The following PPM1L variants were observed in gnomAD, a reference collection of about 807,000 sequenced individuals.
The protein encoded by PPM1L is protein phosphatase, Mg2+/Mn2+ dependent 1L.
Under a neutral mutation model 31.4 loss-of-function variants are expected in PPM1L, and 13 were observed. The ratio of observed to expected loss-of-function variants is 0.41; its 90% CI spans 0.27 to 0.66. The LOEUF is 0.66. Among genes scored for constraint, PPM1L ranks in the 30% least tolerant of loss-of-function variants. The probability of loss-of-function intolerance (pLI) is 0.29; values close to 1 mark genes in which losing one functional copy is unlikely to be tolerated. For synonymous variants in PPM1L, 184 were observed against 175.4 expected (o/e 1.05, Z -0.39); for missense variants, 326 against 453.7 (o/e 0.72, Z 2.56).
At chr3:161,015,588 C>T (rs1559925549) in intron 2 of PPM1L, among the ~76,000 whole-genome samples, 1 of 152,208 alleles carries the variant, frequency 6.6e-6, no homozygotes, top group African/African-American at 2.4e-5. Context: ...TCCTGTGGCA[C>T]ACAGCCGAGA....
At chr3:160,814,509 GTA>G (rs1258812470) in intron 1 of PPM1L, among the ~76,000 whole-genome samples, 7,972 of 108,654 alleles carry the variant, frequency 0.073, 620 homozygotes, top group Non-Finnish European at 0.1. Context: ...ATATGTATGT[GTA>G]TATATATACA....
chr3:160,821,583 C>CA (rs1560116652), intron 1 of PPM1L, among the ~76,000 whole-genome samples: 6 of 151,976 alleles, frequency 3.9e-5, no homozygotes, highest in South Asian at 4.2e-4. Context: ...AATAAAACCA[C>CA]AAAAAATAAT....
intron 1 of PPM1L, among the ~76,000 whole-genome samples, chr3:160,906,253 C>T (rs1457195985): frequency 1.3e-5 from 2 of 152,094 alleles, no homozygotes; most frequent in Non-Finnish European, 2.9e-5. Flanking sequence ...TAACAACATA[C>T]CCTAAAAATT....
rs1718733252 is a variant in PPM1L, at chr3:161,036,075, T to TATC, written c.575-29327_575-29325dup. The TATC allele has an allele frequency of 2.0e-5, 3 of 152,240 alleles. No individual in the cohort carries two copies. In the South Asian group the frequency reaches 6.2e-4, roughly 31 times the overall value. The allele number at this position is 152,240 out of a possible 1,614,324, so 9.4% of individuals were successfully genotyped here. A position where few individuals can be genotyped will look rare whatever the true frequency, so the allele number is the denominator to read the frequency against. On this transcript the variant is annotated intron_variant, in intron 2 of 3. Transcript: ENST00000498165. ...GATCAGACTCTGCTTTGACATATTC[T>TATC]ATCTTAAATTTTGAAATTACTTTGG...
At chr3:160,814,219 A>G (rs537319763) in intron 1 of PPM1L, among the ~76,000 whole-genome samples, 1 of 152,126 alleles carries the variant, frequency 6.6e-6, no homozygotes, top group Non-Finnish European at 1.5e-5. Context: ...CTTCATGCCT[A>G]TCTGGACAGC....
At chr3:160,959,998 A>T (rs777590468) in intron 1 of PPM1L, among the ~76,000 whole-genome samples, 3 of 151,934 alleles carry the variant, frequency 2.0e-5, no homozygotes, top group Non-Finnish European at 2.9e-5. Flanking sequence ...ACTGTACCTG[A>T]TATTCTGTGA....
chr3:160,844,621 A>G (rs1233882130), intron 1 of PPM1L, among the ~76,000 whole-genome samples: 1 of 152,006 alleles, frequency 6.6e-6, no homozygotes, highest in Non-Finnish European at 1.5e-5. Context: ...AATCTTAATG[A>G]TTTACAACTT....
chr3:160,903,830 ATGTAT>A (rs66976894), intron 1 of PPM1L, among the ~76,000 whole-genome samples: 39,854 of 151,764 alleles, frequency 0.26, 5,461 homozygotes, highest in East Asian at 0.5. Context: ...GGAAATGATA[ATGTAT>A]TAGGAATTAT....
intron 1 of PPM1L, among the ~76,000 whole-genome samples, chr3:160,942,156 A>T (rs1715184234): frequency 6.6e-6 from 1 of 152,234 alleles, no homozygotes; most frequent in Admixed American, 6.5e-5. Flanking sequence ...TAAGATTATT[A>T]CTGCTCATTA....
intron 2 of PPM1L, among the ~76,000 whole-genome samples, chr3:161,024,559 G>A (rs1011064645): frequency 1.3e-5 from 2 of 151,758 alleles, no homozygotes; most frequent in African/African-American, 2.4e-5. Flanking sequence ...TTAGCTGAGC[G>A]TGGTGGCACA....
chr3:160,835,033 A>ACTTCTTCTTCTTCTTCTT (rs1472836807), intron 1 of PPM1L, among the ~76,000 whole-genome samples: 42 of 86,302 alleles, frequency 4.9e-4, no homozygotes, highest in African/African-American at 2.8e-3. Flanking sequence ...TACTATTACT[A>ACTTCTTCTTCTTCTTCTT]CTACTACTTC....
At chr3:161,066,233 G>A (rs1201089366) in intron 3 of PPM1L, among the ~76,000 whole-genome samples, 2 of 152,192 alleles carry the variant, frequency 1.3e-5, no homozygotes, top group Admixed American at 1.3e-4. Flanking sequence ...AGCAAGGTTG[G>A]GGGTAGAGGG....
intron 1 of PPM1L, among the ~76,000 whole-genome samples, chr3:160,927,380 A>G (rs1714630285): frequency 6.6e-6 from 1 of 152,220 alleles, no homozygotes; most frequent in Non-Finnish European, 1.5e-5. Context: ...CAATCATAAA[A>G]TCATAACATA....
chr3:160,869,617 C>T (rs1712227117), intron 1 of PPM1L, among the ~76,000 whole-genome samples: 1 of 151,752 alleles, frequency 6.6e-6, no homozygotes, highest in African/African-American at 2.4e-5. Context: ...AATTGTATGA[C>T]ATATATTGAT....
At chr3:161,010,839 T>A (rs1191088299) in intron 2 of PPM1L, among the ~76,000 whole-genome samples, 1 of 152,250 alleles carries the variant, frequency 6.6e-6, no homozygotes, top group African/African-American at 2.4e-5. Context: ...GAAGTGTCTA[T>A]TCATATCCTT....
chr3:160,944,340 GT>G (rs1715255169), intron 1 of PPM1L, among the ~76,000 whole-genome samples: 1 of 151,750 alleles, frequency 6.6e-6, no homozygotes, highest in Non-Finnish European at 1.5e-5. Flanking sequence ...GCTTAAGTTA[GT>G]TTTTTATGAG....
At chr3:160,836,574 G>T (rs1234980667) in intron 1 of PPM1L, among the ~76,000 whole-genome samples, 1 of 152,192 alleles carries the variant, frequency 6.6e-6, no homozygotes, top group Non-Finnish European at 1.5e-5. Context: ...TAAATGAGTT[G>T]CCTAAAGTTA....
At chr3:160,773,441 A>G (rs1010709932) in intron 1 of PPM1L, among the ~76,000 whole-genome samples, 1 of 152,204 alleles carries the variant, frequency 6.6e-6, no homozygotes, top group Non-Finnish European at 1.5e-5. Context: ...CTGCGAGGAA[A>G]GAGGCTGAGA....
At chr3:160,873,584 A>G (rs959443243) in intron 1 of PPM1L, among the ~76,000 whole-genome samples, 1 of 151,944 alleles carries the variant, frequency 6.6e-6, no homozygotes, top group Non-Finnish European at 1.5e-5. Flanking sequence ...TTCTCACTCT[A>G]TCGCCCAGGT....
Sources: allele counts gnomAD v4.1 joint callset (sites outside exome capture counted in the v4.1 genomes callset), GRCh38; gene constraint gnomAD v4.1.1; transcripts MANE v1.5; gene names NCBI Gene and HGNC (gene_info 2026-07-23, HGNC 2026-07-21).